The following PCDHGA9 variants were observed in gnomAD, a reference collection of about 807,000 sequenced individuals.
The protein encoded by PCDHGA9 is protocadherin gamma subfamily A, 9, also known as protocadherin gamma-A9.
Under a neutral mutation model 62.5 loss-of-function variants are expected in PCDHGA9, and 37 were observed. The ratio of observed to expected loss-of-function variants is 0.59; its 90% CI spans 0.46 to 0.78. The LOEUF (loss-of-function observed/expected upper bound fraction) is 0.78, where lower values mean the gene tolerates loss of function less well. PCDHGA9 is among the 30% of genes least tolerant of loss of function. The pLI, the probability that PCDHGA9 is intolerant of heterozygous loss-of-function variation, is 0.00. For missense variants in PCDHGA9, 1,138 were observed against 1,166.2 expected, an observed-to-expected ratio of 0.98 and a Z score of 0.35; for synonymous variants, 459 against 484.6, an observed-to-expected ratio of 0.95 and a Z score of 0.69.
chr5:141,430,952 C>G, intron 1 of PCDHGA9: 2 of 1,610,382 alleles, frequency 1.2e-6, no homozygotes, highest in African/African-American at 2.7e-5. Flanking sequence ...GCGCGGAGTC[C>G]GCATCATCCC....
intron 1 of PCDHGA9, chr5:141,417,960 G>T (rs2096199953): frequency 1.2e-6 from 2 of 1,613,624 alleles, no homozygotes; most frequent in African/African-American, 1.3e-5. Context: ...GAGCCGATCC[G>T]CTACTCGATT....
rs768812729 is a variant in PCDHGA9, at chr5:141,491,543, A to T, written c.2425-3264A>T. 2.5e-6 allele frequency: 4 copies of T among 1,613,842 alleles called. No individual in the cohort carries two copies. The highest frequency in any genetic ancestry group is 3.4e-6 in the Non-Finnish European group (4 of 1,179,982). The stretch of plus-strand genomic sequence containing the variant: ...ATGGAGGTGACGCTGCGGCCCACAG[A>T]CTCGCAGAGCCACTGCTACAGGACG... On this transcript the variant is annotated intron_variant, in intron 1 of 3. Transcript: ENST00000573521. This position sits in a 1 kb window ranked among gnomAD's most constrained non-coding sequence, Gnocchi z 6.9.
rs766168062 is a variant in PCDHGA9, at chr5:141,491,124, G to A, written c.2425-3683G>A. ...TCGTGTCTACACACACTGGTGAGGT[G>A]CGCACAGCCCGGGCCTTACTGGAGG... On this transcript the variant is annotated intron_variant, in intron 1 of 3. Transcript: ENST00000573521. The surrounding 1 kb of genome is among the most constrained non-coding windows in gnomAD (Gnocchi z 6.9). 22 of 1,614,092 alleles carry A rather than the reference G, an allele frequency of 1.4e-5. No individual in the cohort carries two copies. The highest frequency in any genetic ancestry group is 3.3e-5 in the Admixed American group (2 of 60,004).
In PCDHGA9 at chr5:141,421,099, G is replaced by A. The variant is rs941392242; in HGVS notation, c.2424+15723G>A. ...GATACTCACAGATCCTGACACTGGA[G>A]ACTTAGAAGTATTTTCCTTCGCTTT... is the stretch of plus-strand genomic sequence containing the variant. On this transcript the variant is annotated intron_variant, in intron 1 of 3. Coordinates refer to ENST00000573521, the MANE Select transcript of PCDHGA9 (RefSeq NM_018921.3). 1.2e-5 allele frequency: 8 copies of A among 680,384 alleles called. No individual in the cohort carries two copies. In the Admixed American group the frequency reaches 1.2e-4, roughly 11 times the overall value. 42.1% of individuals were successfully genotyped at this position (680,384 alleles called of 1,614,324 possible).
intron 1 of PCDHGA9, among the ~76,000 whole-genome samples, chr5:141,434,448 G>A (rs2097694852): frequency 6.6e-6 from 1 of 152,210 alleles, no homozygotes; most frequent in Non-Finnish European, 1.5e-5. Context: ...CATGCTGGAA[G>A]GTAGTGGGTT....
intron 2 of PCDHGA9, among the ~76,000 whole-genome samples, chr5:141,498,004 G>C (rs1385457484): frequency 6.6e-6 from 1 of 152,316 alleles, no homozygotes; most frequent in African/African-American, 2.4e-5. Flanking sequence ...GGAGTTTACA[G>C]TGCACTGAAG....
chr5:141,418,107 A>C, intron 1 of PCDHGA9: 1 of 1,614,036 alleles, frequency 6.2e-7, no homozygotes, highest in Non-Finnish European at 8.5e-7. Flanking sequence ...CAGAGCGGGG[A>C]CTTACTTGTG....
At chr5:141,437,659 C>T (rs1006268414) in intron 1 of PCDHGA9, among the ~76,000 whole-genome samples, 10 of 151,870 alleles carry the variant, frequency 6.6e-5, no homozygotes, top group East Asian at 3.9e-4. Context: ...CACATAGTTT[C>T]GAAGAGATGT....
chr5:141,457,422 T>C (rs2098920028), intron 1 of PCDHGA9, among the ~76,000 whole-genome samples: 1 of 151,626 alleles, frequency 6.6e-6, no homozygotes. Flanking sequence ...CATCCCTTTT[T>C]CCCCCCCACC....
chr5:141,491,810 G>T lies in PCDHGA9; in HGVS notation c.2425-2997G>T. 1 of 1,486,878 alleles carries T rather than the reference G, an allele frequency of 6.7e-7. No individual in the cohort carries two copies. The allele number at this position is 1,486,878 out of a possible 1,614,324, so 92.1% of individuals were successfully genotyped here. A position where few individuals can be genotyped will look rare whatever the true frequency, so the allele number is the denominator to read the frequency against. ...CCACTCCTCTCCGGCCGGCTTGGTC[G>T]CTGGCTGCGCTCCACCCGATTCTCG... On this transcript the variant is annotated intron_variant, in intron 1 of 3. Coordinates refer to ENST00000573521, the MANE Select transcript of PCDHGA9 (RefSeq NM_018921.3). This position sits in a 1 kb window ranked among gnomAD's most constrained non-coding sequence, Gnocchi z 6.9.
At position 141,510,965 on chromosome 5, in the gene PCDHGA9, C is replaced by T. The variant is rs1473736492; in HGVS notation, c.2591C>T (p.Ser864Phe). The T allele has an allele frequency of 3.1e-6, 5 of 1,614,026 alleles. No homozygotes were observed. The highest frequency in any genetic ancestry group is 4.2e-6 in the Non-Finnish European group (5 of 1,180,020). The change falls in exon 4 of 4, where the codon TCC becomes TTC. Residue 864 changes from serine (S) to phenylalanine (F), a missense_variant. Transcript: ENST00000573521. ...TCTGCAGAAGCTGCTGATGGGAGCT[C>T]CACCCTGGGAGGGGGTGCCGGCACC... ...ASASEAADGS[S>F]TLGGGAGTMG...
At chr5:141,417,875 G>C (rs2096176700) in intron 1 of PCDHGA9, 2 of 1,556,360 alleles carry the variant, frequency 1.3e-6, no homozygotes, top group Non-Finnish European at 1.7e-6. Context: ...AGGGAGCTGC[G>C]CGCAGAGGCG....
rs1001412632 is a variant in PCDHGA9, at chr5:141,493,097, A to G, written c.2425-1710A>G. On this transcript the variant is annotated intron_variant, in intron 1 of 3. Transcript: ENST00000573521. The surrounding 1 kb of genome is among the most constrained non-coding windows in gnomAD (Gnocchi z 4.3). ...AACTCCAGGAGCTTTTATTCAAAAT[A>G]TATCAATGCCTAACTCTGCTCCTAG... Among the ~76,000 whole-genome samples, 1 of 152,224 alleles carries G rather than the reference A, an allele frequency of 6.6e-6. No homozygotes were observed. The highest frequency in any genetic ancestry group is 2.4e-5 in the African/African-American group (1 of 41,456).
chr5:141,462,486 G>A (rs62379193), intron 1 of PCDHGA9, among the ~76,000 whole-genome samples: 5,124 of 152,042 alleles, frequency 0.034, 100 homozygotes, highest in Middle Eastern at 0.088. Flanking sequence ...CGTGGTTGTT[G>A]TATCCTATAA....
intron 1 of PCDHGA9, chr5:141,478,165 C>A: frequency 1.2e-6 from 2 of 1,614,038 alleles, no homozygotes; most frequent in Non-Finnish European, 1.7e-6. Context: ...GCTCTGCCCC[C>A]CGGGAGCAGA....
intron 1 of PCDHGA9, among the ~76,000 whole-genome samples, chr5:141,438,629 TATATATACACAC>T (rs1343412075): frequency 0.05 from 2,378 of 47,602 alleles, 22 homozygotes; most frequent in African/African-American, 0.12. Context: ...TATATATATA[TATATATACACAC>T]ACACACACAC....
At chr5:141,409,567 G>T (rs974585499) in intron 1 of PCDHGA9, 2 of 1,613,896 alleles carry the variant, frequency 1.2e-6, no homozygotes, top group Non-Finnish European at 1.7e-6. Context: ...TCGACCAGAC[G>T]TCCTACGTGG....
chr5:141,477,275 G>C lies in PCDHGA9; in HGVS notation c.2425-17532G>C, dbSNP rs1241603826. On this transcript the variant is annotated intron_variant, in intron 1 of 3. Transcript: ENST00000573521. This position sits in a 1 kb window ranked among gnomAD's most constrained non-coding sequence, Gnocchi z 4.9. ...CCTGGATGCTGGCGAGAACGGGCTG[G>C]TGACCTGCGAAGTTCCACCGGGTCT... The C allele has an allele frequency of 2.5e-6, 4 of 1,614,198 alleles. No individual in the cohort carries two copies. The South Asian group carries it at 4.4e-5, about 18-fold the overall frequency.
chr5:141,505,891 G>A (rs541853565), intron 3 of PCDHGA9, among the ~76,000 whole-genome samples: 9 of 152,288 alleles, frequency 5.9e-5, no homozygotes, highest in Admixed American at 5.9e-4. Context: ...GATTAAATGA[G>A]ATGATACCAC....
Sources: gnomAD v4.1 joint callset for allele counts (sites outside exome capture counted in the v4.1 genomes callset) on GRCh38, gnomAD v4.1.1 for gene constraint, Gnocchi (gnomAD v3.1) non-coding constraint, MANE v1.5 for transcripts, NCBI Gene and HGNC (gene_info 2026-07-23, HGNC 2026-07-21) for gene names.